The following TVP23B variants were observed in gnomAD, a reference collection of about 807,000 sequenced individuals.
TVP23B encodes Golgi apparatus membrane protein TVP23 homolog B.
A neutral mutation model predicts 30.6 loss-of-function variants in TVP23B; 10 were observed. The ratio of observed to expected loss-of-function variants is 0.33; its 90% confidence interval spans 0.20 to 0.55. The LOEUF (loss-of-function observed/expected upper bound fraction) is 0.55, where lower values mean the gene tolerates loss of function less well. TVP23B is among the 20% of genes least tolerant of loss of function. TVP23B has a pLI of 0.91. For synonymous variants in TVP23B, 67 were observed against 83.1 expected (o/e 0.81, Z 1.06); for missense variants, 153 against 243.2 (o/e 0.63, Z 2.47).
At chr17:18,805,303 C>G (rs1441077696) in intron 6 of TVP23B, among the ~76,000 whole-genome samples, 1 of 151,870 alleles carries the variant, frequency 6.6e-6, no homozygotes, top group Non-Finnish European at 1.5e-5. Flanking sequence ...CCAGGATGGT[C>G]TCGATCTCCT....
chr17:18,801,780 T>C, intron 5 of TVP23B, among the ~76,000 whole-genome samples: 1 of 152,140 alleles, frequency 6.6e-6, no homozygotes, highest in Non-Finnish European at 1.5e-5. Flanking sequence ...GAAAGCCAGT[T>C]TGATCCTGTG....
At chr17:18,792,580 C>T (rs1390334962) in intron 3 of TVP23B, among the ~76,000 whole-genome samples, 1 of 152,138 alleles carries the variant, frequency 6.6e-6, no homozygotes, top group Non-Finnish European at 1.5e-5. Flanking sequence ...TTCTGTTCAG[C>T]CAAATAGAAC....
At chr17:18,793,798 G>A (rs1279621912) in intron 3 of TVP23B, among the ~76,000 whole-genome samples, 2 of 151,968 alleles carry the variant, frequency 1.3e-5, no homozygotes, top group Non-Finnish European at 1.5e-5. Context: ...AATAGGAAAT[G>A]TAATTTGATT....
chr17:18,790,459 G>A (rs1310874538), intron 2 of TVP23B, among the ~76,000 whole-genome samples: 3 of 69,456 alleles, frequency 4.3e-5, no homozygotes, highest in African/African-American at 1.8e-4. Context: ...GCGAGACTCC[G>A]TCTCAAAAAA....
chr17:18,799,042 A>G (rs2036118352), intron 5 of TVP23B, 99 bp downstream of exon 5: 5 of 1,391,248 alleles, frequency 3.6e-6, no homozygotes, highest in South Asian at 1.7e-5. Flanking sequence ...TTAGGGACCT[A>G]TCTTGAATAG....
In TVP23B at chr17:18,805,672, G is replaced by A. The variant is rs1355270054; in HGVS notation, c.*105G>A. The A allele has an allele frequency of 6.7e-7, 1 of 1,499,658 alleles. No individual in the cohort carries two copies. Among genetic ancestry groups the A allele is most frequent in the African/African-American group, 1.4e-5 (1 of 69,602 alleles). 92.9% of individuals were successfully genotyped at this position (1,499,658 alleles called of 1,614,324 possible). ...TGTTGCAACGAGGAGTGTTGGCTTT[G>A]TTTTTCCACTTAAAAACTTTATTTA... On this transcript the variant is annotated 3_prime_UTR_variant, in exon 7 of 7. Coordinates refer to ENST00000307767, the MANE Select transcript of TVP23B (RefSeq NM_016078.6).
At chr17:18,797,854 G>C (rs964075945) in intron 4 of TVP23B, among the ~76,000 whole-genome samples, 186 bp downstream of exon 4, 4 of 152,178 alleles carry the variant, frequency 2.6e-5, no homozygotes, top group Non-Finnish European at 5.9e-5. Flanking sequence ...CCAGAAACAA[G>C]CAATATACAG....
chr17:18,790,351 C>T (rs1294258909), intron 2 of TVP23B, among the ~76,000 whole-genome samples: 3 of 150,982 alleles, frequency 2.0e-5, no homozygotes, highest in East Asian at 3.9e-4. Context: ...GTAGTCCCAG[C>T]TACTTGGGAG....
chr17:18,805,425 A>C, intron 6 of TVP23B, 116 bp from the exon 7 acceptor site: 2 of 1,512,306 alleles, frequency 1.3e-6, no homozygotes, highest in South Asian at 2.7e-5. Context: ...ATTGTATGTA[A>C]GGTAATGCTC....
chr17:18,796,213 T>C (rs558977265), intron 3 of TVP23B: 1 of 151,666 alleles, frequency 6.6e-6, no homozygotes, highest in South Asian at 2.1e-4. Flanking sequence ...CATAATTTAA[T>C]GATATGCTAA....
At chr17:18,798,164 C>T (rs2036103611) in intron 4 of TVP23B, among the ~76,000 whole-genome samples, 1 of 152,074 alleles carries the variant, frequency 6.6e-6, no homozygotes, top group Non-Finnish European at 1.5e-5. Flanking sequence ...TTTGGGTTAG[C>T]CTGCTACACT....
chr17:18,790,325 G>A (rs1402734592), intron 2 of TVP23B, among the ~76,000 whole-genome samples: 6 of 151,760 alleles, frequency 4.0e-5, no homozygotes, highest in African/African-American at 9.7e-5. Context: ...TTAGCCGGGC[G>A]TGGTGGCAGG....
chr17:18,784,195 A>G (rs2035864640), intron 1 of TVP23B, among the ~76,000 whole-genome samples: 1 of 152,034 alleles, frequency 6.6e-6, no homozygotes, highest in African/African-American at 2.4e-5. Context: ...ATGCTCTTTC[A>G]CTGGTCACTC....
intron 3 of TVP23B, 146 bp downstream of exon 3, chr17:18,791,186 A>ATTTTTTTTT: frequency 8.7e-6 from 1 of 114,564 alleles, no homozygotes; most frequent in Non-Finnish European, 1.4e-5. Flanking sequence ...AATTGCATGT[A>ATTTTTTTTT]GTTTTTTTTT....
At chr17:18,802,616 C>T (rs1442838567) in intron 5 of TVP23B, among the ~76,000 whole-genome samples, 1 of 152,048 alleles carries the variant, frequency 6.6e-6, no homozygotes, top group Non-Finnish European at 1.5e-5. Context: ...TGGCCACCAG[C>T]CCTTTTTTAT....
At position 18,801,201 on chromosome 17, in the gene TVP23B, TC is replaced by T. The variant is rs201516866; in HGVS notation, c.462+2259del. 8.4e-3 allele frequency among the ~76,000 whole-genome samples: 1,274 copies of T among 152,304 alleles called. 17 individuals carry two copies. The highest frequency in any genetic ancestry group is 0.025 in the African/African-American group (1,040 of 41,534). On this transcript the variant is annotated intron_variant, in intron 5 of 6. Transcript: ENST00000307767. ...CACCCTCATGCTTTTTGAGTTCTTT[TC>T]TTTAGGTTTTTCTGTAGGGTGAAAT... is the stretch of plus-strand genomic sequence containing the variant.
In TVP23B at chr17:18,790,047, G is replaced by C. The variant is rs1483537198; in HGVS notation, c.95+612G>C. Among the ~76,000 whole-genome samples the C allele has an allele frequency of 2.6e-5, 4 of 152,276 alleles. No homozygotes were observed. In the East Asian group the frequency reaches 5.8e-4, roughly 22 times the overall value. ...GTACAAAGATTCTGTCTGGGGTAAT[G>C]AAAAGTTGTAAAATTGGAGTGATGG... On this transcript the variant is annotated intron_variant, in intron 2 of 6. Transcript: ENST00000307767.
chr17:18,793,423 T>C lies in TVP23B; in HGVS notation c.240+2383T>C, dbSNP rs1157822859. Among the ~76,000 whole-genome samples the C allele has an allele frequency of 8.8e-5, 12 of 136,596 alleles. No individual in the cohort carries two copies. In the Admixed American group the frequency reaches 9.3e-4, roughly 11 times the overall value. The allele number at this position is 136,596 out of a possible 152,430, so 89.6% of individuals were successfully genotyped here. ...GAGATCGAGACCATCCTGGCTAACA[T>C]GGTGAAACCCCATCTCTGCTAAAAA... On this transcript the variant is annotated intron_variant, in intron 3 of 6. Coordinates refer to ENST00000307767, the MANE Select transcript of TVP23B (RefSeq NM_016078.6).
At chr17:18,788,330 CAAAAAAAAAA>C (rs961283447) in intron 1 of TVP23B, among the ~76,000 whole-genome samples, 3 of 67,354 alleles carry the variant, frequency 4.5e-5, no homozygotes, top group African/African-American at 1.7e-4. Context: ...GACTCCATCT[CAAAAAAAAAA>C]AAAAAAAAAG....
Sources: allele counts gnomAD v4.1 joint callset (sites outside exome capture counted in the v4.1 genomes callset), GRCh38; gene constraint gnomAD v4.1.1; transcripts MANE v1.5; gene names NCBI Gene and HGNC (gene_info 2026-07-23, HGNC 2026-07-21).